ATP13A3: variants seen among roughly 807,000 people sequenced by gnomAD.
ATP13A3 encodes ATPase 13A3.
A neutral mutation model predicts 158.1 loss-of-function variants in ATP13A3; 59 were observed. The ratio of observed to expected loss-of-function variants is 0.37; its 90% confidence interval spans 0.30 to 0.46. ATP13A3 has a LOEUF of 0.46. Ranked by LOEUF, ATP13A3 falls within the 20% of genes least tolerant of loss-of-function variation. The probability of loss-of-function intolerance (pLI) is 1.00; values close to 1 mark genes in which losing one functional copy is unlikely to be tolerated. For synonymous variants in ATP13A3, 491 were observed against 504.3 expected, an observed-to-expected ratio of 0.97 and a Z score of 0.35; for missense variants, 1,166 against 1,525.2, an observed-to-expected ratio of 0.76 and a Z score of 3.92.
intron 2 of ATP13A3, among the ~76,000 whole-genome samples, chr3:194,481,223 GA>G (rs144534539): frequency 6.5e-4 from 89 of 136,744 alleles, no homozygotes; most frequent in East Asian, 1.5e-3. Context: ...TTCACAAATG[GA>G]AAAAAAAAAA....
At chr3:194,493,874 A>G (rs980968593) in intron 2 of ATP13A3, among the ~76,000 whole-genome samples, 3 of 152,172 alleles carry the variant, frequency 2.0e-5, no homozygotes, top group Non-Finnish European at 4.4e-5. Flanking sequence ...CTTTACATAT[A>G]TGATCTCATT....
intron 2 of ATP13A3, chr3:194,493,945 CTTATTTCTGCTTACAAATTGAGGAAGA>C (rs1441973852): frequency 1.4e-4 from 52 of 383,838 alleles, no homozygotes; most frequent in Non-Finnish European, 2.1e-4. Context: ...TTGAGGAAAG[CTTATTTCTGCTTACAAATTGAGGAAGA>C]TTATTTCTGC....
At chr3:194,475,407 T>C (rs1489340044) in intron 2 of ATP13A3, among the ~76,000 whole-genome samples, 1 of 152,208 alleles carries the variant, frequency 6.6e-6, no homozygotes, top group Non-Finnish European at 1.5e-5. Context: ...GAAGCTATTC[T>C]GTACAAAAAG....
In ATP13A3 at chr3:194,448,039, T is replaced by A. The variant is rs61087590; in HGVS notation, c.1151-30A>T. On this transcript the variant is annotated intron_variant, in intron 12 of 33. Transcript: ENST00000645319. The surrounding 1 kb of genome is among the most constrained non-coding windows in gnomAD (Gnocchi z 4.0). ...CAAAAAAAGAAGACAATTATTGATA[T>A]TTTTATAAGAAAATGAGAATTATCT... 611 of 1,543,872 alleles carry A rather than the reference T, an allele frequency of 4.0e-4. 6 individuals are homozygous for A. The African/African-American group carries it at 7.3e-3, about 18-fold the overall frequency.
At chr3:194,406,595 T>G (rs892269047) in intron 33 of ATP13A3, among the ~76,000 whole-genome samples, 1 of 152,218 alleles carries the variant, frequency 6.6e-6, no homozygotes, top group African/African-American at 2.4e-5. Flanking sequence ...ATTAAGAACT[T>G]TAAGCCATTC....
chr3:194,420,104 G>A, intron 30 of ATP13A3, 137 bp from the exon 31 acceptor site: 2 of 965,604 alleles, frequency 2.1e-6, no homozygotes, highest in Non-Finnish European at 1.4e-6. Context: ...AATAAAGTAT[G>A]TGCTCTGTTA....
rs1717934072 is a variant in ATP13A3, at chr3:194,440,032, TCCTC to T, written c.1711-1064_1711-1061del. On this transcript the variant is annotated intron_variant, in intron 16 of 33. Transcript: ENST00000645319. ...CAGATGGAGCACTTATCCAGTCACC[TCCTC>T]CCTCTCTCCCTTTCAAAATGTGGGT... Among the ~76,000 whole-genome samples, 8 of 151,934 alleles carry T rather than the reference TCCTC, an allele frequency of 5.3e-5. No homozygotes were observed. In the South Asian group the frequency reaches 1.5e-3, roughly 28 times the overall value.
chr3:194,407,522 A>G (rs1209488886), intron 33 of ATP13A3, among the ~76,000 whole-genome samples: 2 of 152,188 alleles, frequency 1.3e-5, no homozygotes, highest in Non-Finnish European at 2.9e-5. Flanking sequence ...TCAGGAACCT[A>G]CCACTCTCTC....
intron 28 of ATP13A3, among the ~76,000 whole-genome samples, chr3:194,428,482 A>G (rs1482750575): frequency 6.6e-6 from 1 of 152,190 alleles, no homozygotes; most frequent in African/African-American, 2.4e-5. Flanking sequence ...CACAAATGAC[A>G]AAACCTGAAT....
At chr3:194,447,279 C>G (rs1243815340) in intron 13 of ATP13A3, among the ~76,000 whole-genome samples, 164 bp from the exon 14 acceptor site, 2 of 151,888 alleles carry the variant, frequency 1.3e-5, no homozygotes, top group African/African-American at 4.8e-5. Flanking sequence ...TTTTTTTCTT[C>G]AGATATTTCT....
At chr3:194,441,611 T>C (rs996341540) in intron 15 of ATP13A3, 150 bp from the exon 16 acceptor site, 1 of 698,476 alleles carries the variant, frequency 1.4e-6, no homozygotes, top group South Asian at 2.3e-5. Flanking sequence ...GTGTCAGAAA[T>C]ACAGGGAAAA....
intron 2 of ATP13A3, among the ~76,000 whole-genome samples, chr3:194,469,751 T>C (rs929414647): frequency 7.2e-5 from 11 of 152,318 alleles, no homozygotes; most frequent in South Asian, 4.1e-4. Context: ...TTTAATGATC[T>C]TGAAATATAA....
intron 20 of ATP13A3, among the ~76,000 whole-genome samples, 157 bp downstream of exon 20, chr3:194,436,938 G>A (rs1717685648): frequency 6.6e-6 from 1 of 152,152 alleles, no homozygotes; most frequent in Non-Finnish European, 1.5e-5. Context: ...CAGGCAGTGG[G>A]GAAAATGTAC....
chr3:194,480,078 C>T (rs935630475), intron 2 of ATP13A3, among the ~76,000 whole-genome samples: 4 of 152,294 alleles, frequency 2.6e-5, no homozygotes, highest in African/African-American at 9.6e-5. Context: ...CCCACACACA[C>T]ATCTGACTTG....
chr3:194,435,691 A>C (rs1479014769), intron 20 of ATP13A3, among the ~76,000 whole-genome samples: 1 of 152,088 alleles, frequency 6.6e-6, no homozygotes, highest in Non-Finnish European at 1.5e-5. Flanking sequence ...GGCAGATCAC[A>C]AGGTCAGGAG....
chr3:194,414,741 T>C (rs13099591), intron 31 of ATP13A3, among the ~76,000 whole-genome samples: 15,834 of 152,192 alleles, frequency 0.1, 994 homozygotes, highest in Non-Finnish European at 0.14. Context: ...TGCACACTTC[T>C]GACTTGAATA....
chr3:194,454,771 G>A (rs1053246604), intron 8 of ATP13A3, among the ~76,000 whole-genome samples: 2 of 151,600 alleles, frequency 1.3e-5, no homozygotes, highest in African/African-American at 2.4e-5. Flanking sequence ...AGAGCTTGCA[G>A]TGAGCCGAGA....
At chr3:194,410,563 T>C (rs1297803747) in intron 33 of ATP13A3, among the ~76,000 whole-genome samples, 1 of 151,936 alleles carries the variant, frequency 6.6e-6, no homozygotes, top group East Asian at 1.9e-4. Flanking sequence ...AGTGAGACCC[T>C]GGTCTCACAA....
chr3:194,485,816 T>C lies in ATP13A3; in HGVS notation c.-69A>G, dbSNP rs1720943108. ...TACCTCCTATGTCCAAACACCAAGA[T>C]TCAGGGATGTCTGTCAGATCTATGG... On this transcript the variant is annotated 5_prime_UTR_variant, in exon 2 of 34. Transcript: ENST00000645319. 1 of 152,212 alleles carries C rather than the reference T, an allele frequency of 6.6e-6. No homozygotes were observed. Among genetic ancestry groups the C allele is most frequent in the African/African-American group, 2.4e-5 (1 of 41,422 alleles). 9.4% of individuals were successfully genotyped at this position (152,212 alleles called of 1,614,324 possible).
Sources: gnomAD v4.1 joint callset for allele counts (sites outside exome capture counted in the v4.1 genomes callset) on GRCh38, gnomAD v4.1.1 for gene constraint, Gnocchi (gnomAD v3.1) non-coding constraint, MANE v1.5 for transcripts, NCBI Gene and HGNC (gene_info 2026-07-23, HGNC 2026-07-21) for gene names.